MIS18A: variants seen among roughly 807,000 people sequenced by gnomAD.
The protein encoded by MIS18A is protein Mis18-alpha.
A neutral mutation model predicts 25.0 loss-of-function variants in MIS18A; 14 were observed. The ratio of observed to expected loss-of-function variants is 0.56; its 90% CI spans 0.37 to 0.88. The LOEUF (loss-of-function observed/expected upper bound fraction) is 0.88, where lower values mean the gene tolerates loss of function less well. Ranked by LOEUF, MIS18A falls within the 40% of genes least tolerant of loss-of-function variation. MIS18A has a pLI of 0.00. For missense variants in MIS18A, 292 were observed against 290.8 expected (o/e 1.00, Z -0.03); for synonymous variants, 134 against 118.6 (o/e 1.13, Z -0.84).
At chr21:32,213,327 CTGT>C in the MIS18A span, among the ~76,000 whole-genome samples, 1 of 152,188 alleles carries the variant, frequency 6.6e-6, no homozygotes, top group Admixed American at 6.5e-5. Flanking sequence ...GAAATTAACA[CTGT>C]TATTAAAAAG....
the MIS18A span, among the ~76,000 whole-genome samples, chr21:32,182,562 G>A: frequency 2.0e-5 from 3 of 152,178 alleles, no homozygotes; most frequent in Non-Finnish European, 4.4e-5. Context: ...TGCCTGCAGT[G>A]GCAGGTGAGC....
chr21:32,241,920 C>T, the MIS18A span, among the ~76,000 whole-genome samples: 6 of 152,226 alleles, frequency 3.9e-5, no homozygotes, highest in Non-Finnish European at 8.8e-5. Flanking sequence ...GCTCTGTCGC[C>T]CAGGCTGGAG....
chr21:32,265,715 G>C (rs547648743), downstream of MIS18A, among the ~76,000 whole-genome samples: 2 of 152,256 alleles, frequency 1.3e-5, no homozygotes, highest in Non-Finnish European at 2.9e-5. Flanking sequence ...TGAGGAATGC[G>C]AGCACAGGGC....
the MIS18A span, among the ~76,000 whole-genome samples, chr21:32,177,757 T>C: frequency 6.6e-6 from 1 of 152,184 alleles, no homozygotes; most frequent in Middle Eastern, 3.4e-3. Context: ...CTAATATTGC[T>C]AATATTATAT....
chr21:32,218,581 G>A, the MIS18A span, among the ~76,000 whole-genome samples: 353 of 152,274 alleles, frequency 2.3e-3, 2 homozygotes, highest in African/African-American at 8.2e-3. Flanking sequence ...TTTAAGTTAG[G>A]TTGTTATGAA....
At chr21:32,263,189 G>C in the MIS18A span, among the ~76,000 whole-genome samples, 2 of 152,238 alleles carry the variant, frequency 1.3e-5, no homozygotes, top group African/African-American at 4.8e-5. Flanking sequence ...TATCTGGGGA[G>C]AGCAAAATAG....
chr21:32,229,015 GT>G, the MIS18A span, among the ~76,000 whole-genome samples: 18 of 151,180 alleles, frequency 1.2e-4, no homozygotes, highest in South Asian at 1.3e-3. Context: ...AAGCAATCTA[GT>G]TTTTTTTTCC....
the MIS18A span, among the ~76,000 whole-genome samples, chr21:32,230,355 C>A: frequency 6.6e-6 from 1 of 152,180 alleles, no homozygotes; most frequent in Non-Finnish European, 1.5e-5. Context: ...GTATCCTCAT[C>A]TATAAAATGG....
At chr21:32,222,892 G>A in the MIS18A span, among the ~76,000 whole-genome samples, 1,172 of 141,294 alleles carry the variant, frequency 8.3e-3, 16 homozygotes, top group African/African-American at 0.029. Context: ...CTGAGATTGC[G>A]CTACTGCACT....
downstream of MIS18A, among the ~76,000 whole-genome samples, chr21:32,265,234 C>T (rs1389095596): frequency 2.0e-5 from 3 of 152,174 alleles, no homozygotes; most frequent in South Asian, 2.1e-4. Context: ...TTGGTGGCAT[C>T]TGAGGAGCCC....
chr21:32,211,622 T>A, the MIS18A span, among the ~76,000 whole-genome samples: 1 of 152,146 alleles, frequency 6.6e-6, no homozygotes. Context: ...AGAGAAATCC[T>A]AGGCATGCAA....
the MIS18A span, chr21:32,259,845 C>CCAGT: frequency 1.3e-5 from 2 of 152,188 alleles, no homozygotes; most frequent in African/African-American, 4.8e-5. Flanking sequence ...TATTTTTAAC[C>CCAGT]CAGTGTGGGA....
chr21:32,198,148 G>C, the MIS18A span, among the ~76,000 whole-genome samples: 3 of 152,232 alleles, frequency 2.0e-5, no homozygotes, highest in Non-Finnish European at 4.4e-5. Flanking sequence ...CATCAACAAA[G>C]GGAGGCTGTG....
downstream of MIS18A, among the ~76,000 whole-genome samples, chr21:32,263,921 T>G (rs2031551710): frequency 6.6e-6 from 1 of 151,904 alleles, no homozygotes; most frequent in Non-Finnish European, 1.5e-5. Flanking sequence ...TCCTGAAAAT[T>G]TCATAATTGG....
chr21:32,274,778 T>C, intron 2 of MIS18A, 52 bp downstream of exon 2: 12 of 1,437,172 alleles, frequency 8.3e-6, no homozygotes, highest in Non-Finnish European at 1.2e-5. Context: ...TTTTAAAGAT[T>C]TTTATTAAAG....
the MIS18A span, among the ~76,000 whole-genome samples, chr21:32,244,690 T>C: frequency 6.6e-6 from 1 of 152,236 alleles, no homozygotes; most frequent in African/African-American, 2.4e-5. Flanking sequence ...TGAGCTATGA[T>C]TGAGCCACTG....
At chr21:32,163,631 T>C in the MIS18A span, among the ~76,000 whole-genome samples, 55 of 152,306 alleles carry the variant, frequency 3.6e-4, no homozygotes, top group Non-Finnish European at 5.6e-4. Context: ...ACTTGAGGAA[T>C]TGATATCCTT....
At chr21:32,235,520 T>C in the MIS18A span, among the ~76,000 whole-genome samples, 1 of 152,182 alleles carries the variant, frequency 6.6e-6, no homozygotes, top group Non-Finnish European at 1.5e-5. Context: ...ACAGTGACTC[T>C]GGCAGCCACT....
At chr21:32,172,496 A>G in the MIS18A span, among the ~76,000 whole-genome samples, 1 of 152,108 alleles carries the variant, frequency 6.6e-6, no homozygotes, top group African/African-American at 2.4e-5. Flanking sequence ...GTACACCCTA[A>G]GAATATACAA....
Sources: allele counts gnomAD v4.1 joint callset (sites outside exome capture counted in the v4.1 genomes callset), GRCh38; gene constraint gnomAD v4.1.1; transcripts MANE v1.5; gene names NCBI Gene and HGNC (gene_info 2026-07-23, HGNC 2026-07-21).